The following CYTH3 variants were observed in gnomAD, a reference collection of about 807,000 sequenced individuals.
The protein encoded by CYTH3 is cytohesin 3.
CYTH3 carries 23 observed loss-of-function variants against 55.1 expected under a neutral mutation model. The observed-to-expected ratio is 0.42, with a 90% CI of 0.30 to 0.59. CYTH3 has a LOEUF of 0.59. CYTH3 is among the 20% of genes least tolerant of loss of function. The pLI, the probability that CYTH3 is intolerant of heterozygous loss-of-function variation, is 0.20. For synonymous variants in CYTH3, 249 were observed against 194.9 expected (o/e 1.28, Z -2.31); for missense variants, 413 against 524.8 (o/e 0.79, Z 2.08).
At chr7:6,259,785 ATATATATAT>A (rs1780268370) in intron 1 of CYTH3, among the ~76,000 whole-genome samples, 6 of 14,454 alleles carry the variant, frequency 4.2e-4, no homozygotes, top group Non-Finnish European at 5.5e-4. Context: ...TATATATATA[ATATATATAT>A]ATATATATAT....
chr7:6,187,071 T>G lies in CYTH3; in HGVS notation c.228A>C (p.Lys76Asn), dbSNP rs757500800. 6.2e-7 allele frequency: 1 copy of G among 1,614,220 alleles called. No individual in the cohort carries two copies. The highest frequency in any genetic ancestry group is 8.5e-7 in the Non-Finnish European group (1 of 1,180,030). ...RNKQIAMGRK[K>N]FNMDPKKGIQ... is the part of the protein sequence containing the mutation. ...TTACCTTTTTGGGATCCATGTTGAA[T>G]TTCTTTCTTCCCATGGCTATCTGTT... The change falls in exon 4 of 13, where the codon AAA becomes AAC. Residue 76 changes from lysine to asparagine, a missense_variant. Transcript: ENST00000350796.
intron 1 of CYTH3, among the ~76,000 whole-genome samples, chr7:6,266,051 C>A (rs2115067947): frequency 6.6e-6 from 1 of 152,182 alleles, no homozygotes; most frequent in Non-Finnish European, 1.5e-5. Flanking sequence ...ATGTTTTATA[C>A]AGATGTGTTT....
chr7:6,166,566 G>A (rs1385008305), intron 9 of CYTH3, among the ~76,000 whole-genome samples: 2 of 152,216 alleles, frequency 1.3e-5, no homozygotes, highest in East Asian at 3.8e-4. Context: ...CTAAGTGGGG[G>A]CCAGCACGGG....
chr7:6,165,454 G>A (rs376130808), intron 11 of CYTH3, 27 bp from the exon 12 acceptor site: 56 of 1,609,422 alleles, frequency 3.5e-5, no homozygotes, highest in South Asian at 1.1e-4. Flanking sequence ...GAGGGGAGGC[G>A]GTCAGGGGGG....
chr7:6,192,062 C>T (rs77492660), intron 1 of CYTH3, among the ~76,000 whole-genome samples: 1,753 of 152,092 alleles, frequency 0.012, 36 homozygotes, highest in African/African-American at 0.04. Context: ...TGTGCCACTG[C>T]ACTCCAGTCT....
At chr7:6,219,715 G>A (rs545075139) in intron 1 of CYTH3, among the ~76,000 whole-genome samples, 7 of 152,010 alleles carry the variant, frequency 4.6e-5, no homozygotes, top group Non-Finnish European at 1.0e-4. Flanking sequence ...AGGTTTTTGA[G>A]GATGTTCAAA....
chr7:6,259,281 A>G (rs565175681), intron 1 of CYTH3, among the ~76,000 whole-genome samples: 2 of 152,312 alleles, frequency 1.3e-5, no homozygotes, highest in African/African-American at 4.8e-5. Flanking sequence ...TGCTGATTTT[A>G]TTAATTACAG....
intron 5 of CYTH3, among the ~76,000 whole-genome samples, chr7:6,177,593 A>T (rs377280414): frequency 6.6e-6 from 1 of 152,260 alleles, no homozygotes; most frequent in African/African-American, 2.4e-5. Flanking sequence ...AGGATTCCAG[A>T]GGAGTCCCAG....
intron 1 of CYTH3, among the ~76,000 whole-genome samples, chr7:6,266,608 T>C (rs1216336249): frequency 1.3e-5 from 2 of 152,172 alleles, no homozygotes; most frequent in Non-Finnish European, 2.9e-5. Context: ...TTCTCTAGAA[T>C]ACTCAGCTCT....
intron 1 of CYTH3, among the ~76,000 whole-genome samples, chr7:6,263,280 G>A (rs1780400647): frequency 6.6e-6 from 1 of 152,166 alleles, no homozygotes; most frequent in Admixed American, 6.5e-5. Flanking sequence ...TTAAAAGTAA[G>A]GCAAACACTG....
In CYTH3 at chr7:6,257,642, G is replaced by C. The variant is rs565404965; in HGVS notation, c.34+14832C>G. 1.2e-4 allele frequency among the ~76,000 whole-genome samples: 18 copies of C among 152,334 alleles called. No homozygotes were observed. In the South Asian group the frequency reaches 3.5e-3, roughly 30 times the overall value. On this transcript the variant is annotated intron_variant, in intron 1 of 12. Transcript: ENST00000350796. ...AAGTTCTTAAAGTAATATTTATATG[G>C]TTAATGAATATTTATGGCAGAGAAA...
chr7:6,268,329 G>A (rs1010417052), intron 1 of CYTH3, among the ~76,000 whole-genome samples: 3 of 152,144 alleles, frequency 2.0e-5, no homozygotes, highest in East Asian at 1.9e-4. Flanking sequence ...CACCACTCCC[G>A]GCTAATTTTT....
intron 1 of CYTH3, among the ~76,000 whole-genome samples, chr7:6,196,454 T>C (rs1204098602): frequency 2.1e-5 from 3 of 140,186 alleles, no homozygotes; most frequent in African/African-American, 9.0e-5. Context: ...TTTTCTTTTT[T>C]TCTTTTTTTT....
intron 1 of CYTH3, among the ~76,000 whole-genome samples, chr7:6,268,614 C>T (rs1300219003): frequency 6.6e-6 from 1 of 152,222 alleles, no homozygotes; most frequent in African/African-American, 2.4e-5. Flanking sequence ...GATGGACACT[C>T]AAGGCAATAA....
At chr7:6,255,758 G>GCTTTTT (rs1780084704) in intron 1 of CYTH3, among the ~76,000 whole-genome samples, 1 of 89,404 alleles carries the variant, frequency 1.1e-5, no homozygotes, top group African/African-American at 4.9e-5. Flanking sequence ...CCTTTAATCT[G>GCTTTTT]TTTTTTTTTT....
chr7:6,226,414 A>T (rs1036083292), intron 1 of CYTH3, among the ~76,000 whole-genome samples: 2 of 152,178 alleles, frequency 1.3e-5, no homozygotes, highest in African/African-American at 4.8e-5. Context: ...ACACTTGAGG[A>T]ATTTAATGTT....
At chr7:6,263,889 G>A (rs985730815) in intron 1 of CYTH3, among the ~76,000 whole-genome samples, 3 of 152,086 alleles carry the variant, frequency 2.0e-5, no homozygotes, top group African/African-American at 7.2e-5. Flanking sequence ...TAATCACAAG[G>A]ATAATCTCTA....
Position 6,267,799 on chromosome 7 carries a change from G to A in CYTH3, c.34+4675C>T, listed in dbSNP as rs1780539720. 3.9e-5 allele frequency among the ~76,000 whole-genome samples: 6 copies of A among 152,322 alleles called. No individual in the cohort carries two copies. In the South Asian group the frequency reaches 1.2e-3, roughly 32 times the overall value. On this transcript the variant is annotated intron_variant, in intron 1 of 12. Transcript: ENST00000350796. The stretch of plus-strand genomic sequence containing the variant: ...GGCCTCCCAAAGTGCTGGGATTACA[G>A]GCGTGAGCCATTGCGCCCAGCTGTA...
intron 1 of CYTH3, among the ~76,000 whole-genome samples, chr7:6,213,795 G>C (rs1217918496): frequency 3.3e-5 from 5 of 151,940 alleles, no homozygotes; most frequent in Non-Finnish European, 5.9e-5. Context: ...TTGGAAGCCA[G>C]CAAGGCAGGA....
Sources: allele counts gnomAD v4.1 joint callset (sites outside exome capture counted in the v4.1 genomes callset), GRCh38; gene constraint gnomAD v4.1.1; transcripts MANE v1.5; gene names NCBI Gene and HGNC (gene_info 2026-07-23, HGNC 2026-07-21).